Variants in EEFSEC observed in about 807,000 individuals in gnomAD.
EEFSEC encodes selenocysteine-specific elongation factor.
EEFSEC carries 43 observed loss-of-function variants against 42.1 expected under a neutral mutation model. The ratio of observed to expected loss-of-function variants is 1.02; its 90% CI spans 0.80 to 1.32. The LOEUF is 1.32. Among genes scored for constraint, EEFSEC ranks in the 40% most tolerant of loss-of-function variants. EEFSEC has a pLI of 0.00. For synonymous variants in EEFSEC, 354 were observed against 339.1 expected, an observed-to-expected ratio of 1.04 and a Z score of -0.48; for missense variants, 745 against 803.6, an observed-to-expected ratio of 0.93 and a Z score of 0.88.
intron 6 of EEFSEC, among the ~76,000 whole-genome samples, chr3:128,406,096 C>T (rs1248689343): frequency 6.6e-6 from 1 of 152,200 alleles, no homozygotes; most frequent in African/African-American, 2.4e-5. Flanking sequence ...TGAGTGCTTA[C>T]ACTGAGGTGC....
chr3:128,340,685 G>C (rs1470858885), intron 4 of EEFSEC, among the ~76,000 whole-genome samples: 1 of 152,208 alleles, frequency 6.6e-6, no homozygotes, highest in Non-Finnish European at 1.5e-5. Flanking sequence ...ATTCAGAGGG[G>C]CTGGGTTACC....
chr3:128,245,575 C>A (rs2066118510), intron 1 of EEFSEC, among the ~76,000 whole-genome samples: 1 of 152,168 alleles, frequency 6.6e-6, no homozygotes, highest in Non-Finnish European at 1.5e-5. Flanking sequence ...CAGAGAGACA[C>A]ACCGTTCTGT....
chr3:128,280,803 T>A (rs1440529079), intron 4 of EEFSEC, among the ~76,000 whole-genome samples: 1 of 152,126 alleles, frequency 6.6e-6, no homozygotes, highest in African/African-American at 2.4e-5. Flanking sequence ...CCTGCATGAT[T>A]CCCCTCCCAG....
chr3:128,219,914 C>A (rs1326832065), intron 1 of EEFSEC, among the ~76,000 whole-genome samples: 1 of 151,846 alleles, frequency 6.6e-6, no homozygotes, highest in Non-Finnish European at 1.5e-5. Flanking sequence ...AGAGCTGTGT[C>A]CAAGGAATAC....
chr3:128,154,058 TAAAAAAAA>T (rs376181797), intron 1 of EEFSEC: 2 of 289,434 alleles, frequency 6.9e-6, no homozygotes, highest in Non-Finnish European at 1.2e-5. Flanking sequence ...GCGCCTTCCT[TAAAAAAAA>T]AAAAAAAAAA....
chr3:128,304,169 C>T (rs1474151370), intron 4 of EEFSEC, among the ~76,000 whole-genome samples: 1 of 151,106 alleles, frequency 6.6e-6, no homozygotes, highest in Non-Finnish European at 1.5e-5. Flanking sequence ...GCTACTGGTG[C>T]ATTTTTCAGA....
At chr3:128,350,367 A>G (rs1460058417) in intron 5 of EEFSEC, among the ~76,000 whole-genome samples, 2 of 152,150 alleles carry the variant, frequency 1.3e-5, no homozygotes, top group East Asian at 1.9e-4. Flanking sequence ...GCAGGAAGCC[A>G]TGCTGTGGTC....
rs1196675339 is a variant in EEFSEC, at chr3:128,408,133, C to T, written c.1665C>T (p.Gly555=). 5.4e-5 allele frequency: 87 copies of T among 1,611,250 alleles called. No individual in the cohort carries two copies. Among genetic ancestry groups the T allele is most frequent in the Non-Finnish European group, 7.1e-5 (84 of 1,178,758 alleles). ...CCCTCAAGAAGCGGGCCCGGGCTGGCCGTGGGGAGGCCACCAGGCAGGAGG... is the reference window on the plus strand; with the variant it reads ...CCCTCAAGAAGCGGGCCCGGGCTGGTCGTGGGGAGGCCACCAGGCAGGAGG... The part of the protein sequence containing the change: ...TPALKKRARA[G]RGEATRQEES... Residue 555 remains glycine, a synonymous_variant, in exon 7 of 7, where the codon GGC becomes GGT. Coordinates refer to ENST00000254730, the MANE Select transcript of EEFSEC (RefSeq NM_021937.5).
chr3:128,348,265 T>TGC (rs1553758417), intron 5 of EEFSEC, among the ~76,000 whole-genome samples: 24 of 93,778 alleles, frequency 2.6e-4, no homozygotes, highest in African/African-American at 1.5e-3. Context: ...TGTGTGTGTG[T>TGC]GTGTGCGTGT....
At chr3:128,367,538 G>A (rs1028412631) in intron 6 of EEFSEC, 1 of 685,956 alleles carries the variant, frequency 1.5e-6, no homozygotes, top group Non-Finnish European at 1.8e-6. Flanking sequence ...GCCACCTGCT[G>A]TGTGGACTCC....
At chr3:128,395,772 C>T (rs1226270784) in intron 6 of EEFSEC, among the ~76,000 whole-genome samples, 1 of 152,282 alleles carries the variant, frequency 6.6e-6, no homozygotes, top group African/African-American at 2.4e-5. Context: ...TAGTTAGCCC[C>T]GAGCTGACGG....
intron 4 of EEFSEC, among the ~76,000 whole-genome samples, chr3:128,320,100 A>G (rs1183931144): frequency 6.6e-6 from 1 of 152,240 alleles, no homozygotes; most frequent in Non-Finnish European, 1.5e-5. Context: ...TTGATAAATA[A>G]AGCACTGCAA....
At chr3:128,241,515 T>C (rs770988340) in intron 1 of EEFSEC, among the ~76,000 whole-genome samples, 14 of 152,040 alleles carry the variant, frequency 9.2e-5, no homozygotes, top group South Asian at 8.3e-4. Context: ...TGAACCAATT[T>C]TTGTATTTTT....
chr3:128,273,299 A>G (rs1324056692), intron 4 of EEFSEC, among the ~76,000 whole-genome samples: 4 of 152,282 alleles, frequency 2.6e-5, no homozygotes, highest in East Asian at 1.9e-4. Context: ...TTGTCTCCCT[A>G]AGGAGGCACA....
chr3:128,380,500 A>G (rs560593925), intron 6 of EEFSEC, among the ~76,000 whole-genome samples: 16 of 152,162 alleles, frequency 1.1e-4, no homozygotes, highest in African/African-American at 3.6e-4. Flanking sequence ...GCCCTCCACC[A>G]TGCTCTCTTC....
At chr3:128,260,976 A>AC (rs1217700070) in intron 2 of EEFSEC, among the ~76,000 whole-genome samples, 7 of 62,510 alleles carry the variant, frequency 1.1e-4, no homozygotes, top group South Asian at 5.6e-4. Flanking sequence ...CAAAAAAAAA[A>AC]AAAAAACATT....
chr3:128,165,550 C>T (rs1298685135), intron 1 of EEFSEC, among the ~76,000 whole-genome samples: 1 of 152,154 alleles, frequency 6.6e-6, no homozygotes, highest in Non-Finnish European at 1.5e-5. Flanking sequence ...GAAAAAACAA[C>T]TTTTGCTGTT....
intron 6 of EEFSEC, among the ~76,000 whole-genome samples, chr3:128,365,268 G>A (rs1164294368): frequency 6.6e-6 from 1 of 152,226 alleles, no homozygotes; most frequent in African/African-American, 2.4e-5. Flanking sequence ...CCAACACCCA[G>A]TGGGACAACT....
intron 4 of EEFSEC, among the ~76,000 whole-genome samples, chr3:128,322,792 C>T (rs1306646573): frequency 6.6e-6 from 1 of 152,186 alleles, no homozygotes; most frequent in East Asian, 1.9e-4. Context: ...CTGGGGTCTG[C>T]AGCCCGAAGC....
Sources: gnomAD v4.1 joint callset for allele counts (sites outside exome capture counted in the v4.1 genomes callset) on GRCh38, gnomAD v4.1.1 for gene constraint, MANE v1.5 for transcripts, NCBI Gene and HGNC (gene_info 2026-07-23, HGNC 2026-07-21) for gene names.